The following APC variants were observed in gnomAD, a reference collection of about 807,000 sequenced individuals.
APC encodes the protein APC regulator of Wnt signaling pathway.
A neutral mutation model predicts 247.0 loss-of-function variants in APC; 72 were observed. That is an observed-to-expected ratio of 0.29 (90% CI 0.24 to 0.35). The LOEUF is 0.35. APC is among the 10% of genes least tolerant of loss of function. The pLI, the probability that APC is intolerant of heterozygous loss-of-function variation, is 1.00. For missense variants in APC, 3,400 were observed against 3,360.7 expected (o/e 1.01, Z -0.29); for synonymous variants, 1,254 against 1,162.5 (o/e 1.08, Z -1.60).
At chr5:112,764,665 C>T (rs1756066667) in intron 2 of APC, among the ~76,000 whole-genome samples, 1 of 152,064 alleles carries the variant, frequency 6.6e-6, no homozygotes, top group East Asian at 1.9e-4. Flanking sequence ...AGTTAGGATT[C>T]GAGACATGTC....
At chr5:112,721,387 C>G (rs1751477241) in intron 1 of APC, among the ~76,000 whole-genome samples, 1 of 152,040 alleles carries the variant, frequency 6.6e-6, no homozygotes, top group East Asian at 1.9e-4. Flanking sequence ...ACACTCTAGC[C>G]TTGGCAACAG....
intron 1 of APC, among the ~76,000 whole-genome samples, chr5:112,749,596 A>G (rs80351719): frequency 6.9e-6 from 1 of 144,070 alleles, no homozygotes; most frequent in Non-Finnish European, 1.5e-5. Flanking sequence ...CAAGCGATTC[A>G]CCTGCCTCAG....
intron 5 of APC, among the ~76,000 whole-genome samples, chr5:112,778,671 C>G (rs1229511242): frequency 8.7e-6 from 1 of 115,572 alleles, no homozygotes; most frequent in African/African-American, 3.0e-5. Flanking sequence ...CTCAGCCTCC[C>G]AAGTAGCTGG....
chr5:112,710,657 C>T (rs944976721), intron 1 of APC, among the ~76,000 whole-genome samples: 1 of 152,150 alleles, frequency 6.6e-6, no homozygotes, highest in Non-Finnish European at 1.5e-5. Flanking sequence ...TATTTCTATT[C>T]TTTTCTTTAA....
Position 112,833,254 on chromosome 5 carries a change from C to G in APC, c.1744-1697C>G, listed in dbSNP as rs1040187875. Among the ~76,000 whole-genome samples the G allele has an allele frequency of 5.3e-5, 8 of 149,796 alleles. No homozygotes were observed. The Admixed American group carries it at 5.4e-4, about 10-fold the overall frequency. On this transcript the variant is annotated intron_variant, in intron 14 of 15. Transcript: ENST00000257430. ...CTGGAGTATAGTGGCGCAATCTCGG[C>G]TCACTGCAACCTCTGCCTCCCTGGT...
At chr5:112,740,526 T>C (rs537089770) in intron 1 of APC, among the ~76,000 whole-genome samples, 5,966 of 42,782 alleles carry the variant, frequency 0.14, 51 homozygotes, top group Middle Eastern at 0.23. Context: ...TTTTTTTTCT[T>C]TTTTTTTTTT....
intron 1 of APC, among the ~76,000 whole-genome samples, chr5:112,746,363 T>C (rs1411812968): frequency 6.6e-6 from 1 of 152,160 alleles, no homozygotes; most frequent in Non-Finnish European, 1.5e-5. Flanking sequence ...ATTCAAACTA[T>C]TCCAGACCAT....
chr5:112,773,122 C>A (rs539819426), intron 4 of APC, among the ~76,000 whole-genome samples: 2 of 152,172 alleles, frequency 1.3e-5, no homozygotes, highest in East Asian at 3.9e-4. Context: ...TCCTTTCTTC[C>A]CAATCAGTCC....
At chr5:112,742,392 C>A (rs1249782581) in intron 1 of APC, among the ~76,000 whole-genome samples, 1 of 152,088 alleles carries the variant, frequency 6.6e-6, no homozygotes, top group African/African-American at 2.4e-5. Flanking sequence ...ACAAATTGTA[C>A]CAAAACTTAG....
At position 112,839,316 on chromosome 5, in the gene APC, G is replaced by A. The variant is rs1554085255; in HGVS notation, c.3722G>A (p.Gly1241Asp). 6.2e-7 allele frequency: 1 copy of A among 1,613,766 alleles called. No homozygotes were observed. The highest frequency in any genetic ancestry group is 8.5e-7 in the Non-Finnish European group (1 of 1,179,854). ...CCAAGTTCTGCACAGAGTAGAAGTG[G>A]TCAGCCTCAAAAGGCTGCCACTTGC... ...LHPSSAQSRSGQPQKAATCKV... is the reference protein window; with the variant it reads ...LHPSSAQSRSDQPQKAATCKV... Residue 1241 changes from glycine (G) to aspartate (D), a missense_variant, in exon 16 of 16, where the codon GGT becomes GAT. Physicochemically the swap from Gly to Asp is moderately conservative, Grantham distance 94. Around this residue, in one of 9 missense-constraint regions of APC, gnomAD observed 715 missense variants for 656.6 expected, o/e 1.09. Coordinates refer to ENST00000257430, the MANE Select transcript of APC (RefSeq NM_000038.6). The surrounding 1 kb of genome is among the most constrained non-coding windows in gnomAD (Gnocchi z 5.0).
chr5:112,797,506 G>A (rs779251095), intron 7 of APC, among the ~76,000 whole-genome samples: 1 of 152,172 alleles, frequency 6.6e-6, no homozygotes, highest in Admixed American at 6.5e-5. Flanking sequence ...GATGCTGGAC[G>A]TGATTTAAGT....
At chr5:112,802,790 G>A (rs1760971461) in intron 8 of APC, among the ~76,000 whole-genome samples, 1 of 152,016 alleles carries the variant, frequency 6.6e-6, no homozygotes, top group Non-Finnish European at 1.5e-5. Context: ...AAATCATAGC[G>A]AGATTCCAAA....
intron 9 of APC, 132 bp from the exon 10 acceptor site, chr5:112,818,823 TCCGGTTTTTTG>T: frequency 1.1e-6 from 1 of 922,408 alleles, no homozygotes; most frequent in East Asian, 2.5e-5. Context: ...GGAAAGGTTT[TCCGGTTTTTTG>T]TTTTTTTTTT....
At chr5:112,757,254 G>C (rs148537885) in intron 2 of APC, among the ~76,000 whole-genome samples, 9 of 152,184 alleles carry the variant, frequency 5.9e-5, no homozygotes, top group African/African-American at 2.2e-4. Flanking sequence ...CATAAACCAT[G>C]AGCTATTTAT....
rs730881264 is a variant in APC at position 112,843,177 on chromosome 5, T to C, written c.7583T>C (p.Ile2528Thr). 12 of 1,613,300 alleles carry C rather than the reference T, an allele frequency of 7.4e-6. No individual in the cohort carries two copies. The highest frequency in any genetic ancestry group is 1.1e-5 in the South Asian group (1 of 91,066). ...NDGRPAKRHD[I>T]ARSHSESPSR... The stretch of plus-strand genomic sequence containing the variant: ...GGAAGACCAGCAAAGCGCCATGATA[T>C]TGCACGGTCTCATTCTGAAAGTCCT... The change falls in exon 16 of 16, where the codon ATT becomes ACT. Residue 2528 changes from isoleucine (I) to threonine (T), a missense_variant. Ile to Thr is a moderately conservative substitution (Grantham distance 89, BLOSUM62 -1). Around this residue, in one of 9 missense-constraint regions of APC, gnomAD observed 1,788 missense variants for 1,649.5 expected, o/e 1.08. Transcript: ENST00000257430. This position sits in a 1 kb window ranked among gnomAD's most constrained non-coding sequence, Gnocchi z 4.8.
intron 1 of APC, among the ~76,000 whole-genome samples, chr5:112,725,317 T>A (rs973945078): frequency 6.6e-6 from 1 of 152,158 alleles, no homozygotes; most frequent in Non-Finnish European, 1.5e-5. Flanking sequence ...TTTTTAAAGG[T>A]ATTCCAGGCA....
chr5:112,748,362 T>C (rs1753912441), intron 1 of APC, among the ~76,000 whole-genome samples: 1 of 152,196 alleles, frequency 6.6e-6, no homozygotes, highest in African/African-American at 2.4e-5. Flanking sequence ...TTAAAACTTT[T>C]TGGTATATTA....
chr5:112,741,973 T>C (rs997057291), intron 1 of APC, among the ~76,000 whole-genome samples: 4 of 152,246 alleles, frequency 2.6e-5, no homozygotes, highest in Non-Finnish European at 4.4e-5. Flanking sequence ...TTTTTAGGTC[T>C]AAATGATGTT....
rs1320484906 is a variant in APC at position 112,842,334 on chromosome 5, C to G, written c.6740C>G (p.Ser2247Cys). The G allele has an allele frequency of 1.2e-6, 2 of 1,613,868 alleles. No homozygotes were observed. The highest frequency in any genetic ancestry group is 1.7e-6 in the Non-Finnish European group (2 of 1,179,812). Residue 2247 changes from serine (S) to cysteine (C), a missense_variant, in exon 16 of 16, where the codon TCT becomes TGT. This residue lies in a region of APC where 1,788 missense variants were observed against 1,649.5 expected (regional missense o/e 1.08). Transcript: ENST00000257430. The stretch of plus-strand genomic sequence containing the variant: ...AGCTCCTCAAGTACAAGTCCTGTTT[C>G]TAAAAAAGGCCCACCCCTTAAGACT... Reference protein sequence around the residue: ...RNSSSSTSPVSKKGPPLKTPA... With the variant: ...RNSSSSTSPVCKKGPPLKTPA...
Sources: allele counts gnomAD v4.1 joint callset (sites outside exome capture counted in the v4.1 genomes callset), GRCh38; gene constraint gnomAD v4.1.1; regional missense constraint gnomAD v4.1.1; non-coding constraint Gnocchi (gnomAD v3.1); transcripts MANE v1.5; gene names NCBI Gene and HGNC (gene_info 2026-07-23, HGNC 2026-07-21).